CCSER1: variants seen among roughly 807,000 people sequenced by gnomAD.
CCSER1 encodes the protein coiled-coil serine rich protein 1.
Under a neutral mutation model 82.0 loss-of-function variants are expected in CCSER1, and 41 were observed. The ratio of observed to expected loss-of-function variants is 0.50; its 90% CI spans 0.39 to 0.65. The LOEUF (loss-of-function observed/expected upper bound fraction) is 0.65, where lower values mean the gene tolerates loss of function less well. CCSER1 is among the 30% of genes least tolerant of loss of function. The probability of loss-of-function intolerance (pLI) is 0.00; values close to 1 mark genes in which losing one functional copy is unlikely to be tolerated. For synonymous variants in CCSER1, 414 were observed against 383.9 expected (o/e 1.08, Z -0.92); for missense variants, 1,119 against 1,064.2 (o/e 1.05, Z -0.72).
intron 9 of CCSER1, among the ~76,000 whole-genome samples, chr4:90,991,027 C>T (rs1193639675): frequency 2.0e-5 from 3 of 151,888 alleles, no homozygotes; most frequent in Admixed American, 6.6e-5. Flanking sequence ...AATTTTTAGG[C>T]AGGTGTTGGG....
At chr4:90,296,338 A>G (rs1731911360) in intron 1 of CCSER1, among the ~76,000 whole-genome samples, 1 of 152,018 alleles carries the variant, frequency 6.6e-6, no homozygotes, top group Non-Finnish European at 1.5e-5. Flanking sequence ...CCACTTTTTG[A>G]TGGGGTTGTT....
chr4:90,452,420 C>T (rs141049989), intron 4 of CCSER1, among the ~76,000 whole-genome samples: 6 of 152,264 alleles, frequency 3.9e-5, no homozygotes, highest in Middle Eastern at 3.4e-3. Context: ...AGCAGTCCTC[C>T]CACATTATAT....
intron 9 of CCSER1, among the ~76,000 whole-genome samples, chr4:91,057,802 ATACATGTGTGTGAATTTG>A (rs1235955793): frequency 6.6e-6 from 1 of 152,146 alleles, no homozygotes; most frequent in Non-Finnish European, 1.5e-5. Flanking sequence ...CTTTTTCACC[ATACATGTGTGTGAATTTG>A]TATGTTTCTC....
intron 10 of CCSER1, among the ~76,000 whole-genome samples, chr4:91,223,809 A>G (rs1242018272): frequency 2.0e-5 from 3 of 152,148 alleles, no homozygotes; most frequent in Non-Finnish European, 4.4e-5. Context: ...GAAACTCATA[A>G]TATAGACACC....
chr4:91,543,554 C>T (rs1306890957), intron 10 of CCSER1, among the ~76,000 whole-genome samples: 5 of 152,074 alleles, frequency 3.3e-5, no homozygotes, highest in African/African-American at 1.2e-4. Context: ...TTCTCTTTCC[C>T]TTATGAAGCT....
intron 8 of CCSER1, among the ~76,000 whole-genome samples, chr4:90,903,691 A>C (rs1725007691): frequency 6.6e-6 from 1 of 152,086 alleles, no homozygotes; most frequent in South Asian, 2.1e-4. Flanking sequence ...TACAAAAATT[A>C]GCCAGATGCA....
intron 10 of CCSER1, among the ~76,000 whole-genome samples, chr4:91,317,259 C>A (rs1187478272): frequency 6.6e-6 from 1 of 151,982 alleles, no homozygotes; most frequent in Non-Finnish European, 1.5e-5. Flanking sequence ...AGTCTCTCAG[C>A]AATACATTAG....
Position 90,574,251 on chromosome 4 carries a change from A to ATTTT in CCSER1, c.1725-53749_1725-53746dup, listed in dbSNP as rs777629017. On this transcript the variant is annotated intron_variant, in intron 5 of 10. Coordinates refer to ENST00000509176, the MANE Select transcript of CCSER1 (RefSeq NM_001145065.2). ...CCATATAGCTTGTAGAAACACATTA[A>ATTTT]TTTTTTTTTTTTTTTTTTTTTTTTT... Among the ~76,000 whole-genome samples, 39 of 86,074 alleles carry ATTTT rather than the reference A, an allele frequency of 4.5e-4. 1 individual carries two copies. The highest frequency in any genetic ancestry group is 1.3e-3 in the Admixed American group (10 of 7,460). 56.5% of individuals were successfully genotyped at this position (86,074 alleles called of 152,430 possible).
At chr4:90,248,672 A>G (rs1451202215) in intron 1 of CCSER1, among the ~76,000 whole-genome samples, 2 of 151,546 alleles carry the variant, frequency 1.3e-5, no homozygotes, top group East Asian at 3.9e-4. Context: ...TTTTCTTAGC[A>G]TTGACTGATT....
chr4:90,465,231 G>GGATT (rs1291603357), intron 4 of CCSER1, among the ~76,000 whole-genome samples: 3 of 151,930 alleles, frequency 2.0e-5, no homozygotes, highest in Admixed American at 2.0e-4. Flanking sequence ...CAAAGTGCTG[G>GGATT]GATTACAAGT....
Position 90,237,003 on chromosome 4 carries a change from A to G in CCSER1, c.-41-71241A>G, listed in dbSNP as rs1745926515. On this transcript the variant is annotated intron_variant, in intron 1 of 10. Coordinates refer to ENST00000509176, the MANE Select transcript of CCSER1 (RefSeq NM_001145065.2). Reference sequence around the variant, plus strand: ...CAAACCAGTGATGGTACTGTGTTTAAACATCTCAATATGGATATGGGTTTT... The same window carrying G: ...CAAACCAGTGATGGTACTGTGTTTAGACATCTCAATATGGATATGGGTTTT... Among the ~76,000 whole-genome samples, 4 of 152,322 alleles carry G rather than the reference A, an allele frequency of 2.6e-5. No individual in the cohort carries two copies. The South Asian group carries it at 8.3e-4, about 32-fold the overall frequency.
In CCSER1 at chr4:90,180,165, G is replaced by C. The variant is rs2153384669; in HGVS notation, c.-42+52334G>C. ...ATAAATTATATTTTGCTTTTGTTAT[G>C]TTTAGTGGAGAAACGATAACTAAAG... On this transcript the variant is annotated intron_variant, in intron 1 of 10. Coordinates refer to ENST00000509176, the MANE Select transcript of CCSER1 (RefSeq NM_001145065.2). Among the ~76,000 whole-genome samples, 2 of 150,102 alleles carry C rather than the reference G, an allele frequency of 1.3e-5. 1 individual carries two copies. Among genetic ancestry groups the C allele is most frequent in the South Asian group, 4.2e-4 (2 of 4,768 alleles).
At chr4:90,674,152 T>C (rs1238197291) in intron 6 of CCSER1, among the ~76,000 whole-genome samples, 1 of 152,040 alleles carries the variant, frequency 6.6e-6, no homozygotes, top group Non-Finnish European at 1.5e-5. Flanking sequence ...AAGTACTTAG[T>C]ATTACAAGCT....
chr4:90,350,607 A>G (rs1743253032), intron 3 of CCSER1, among the ~76,000 whole-genome samples: 1 of 152,162 alleles, frequency 6.6e-6, no homozygotes, highest in Non-Finnish European at 1.5e-5. Flanking sequence ...TAATCTACAG[A>G]CATAAATTAA....
chr4:91,517,901 A>T (rs1378924039), intron 10 of CCSER1, among the ~76,000 whole-genome samples: 2 of 151,946 alleles, frequency 1.3e-5, no homozygotes, highest in Non-Finnish European at 2.9e-5. Context: ...TTGGTTTCAC[A>T]GGGGGGGTAT....
intron 10 of CCSER1, among the ~76,000 whole-genome samples, chr4:91,245,208 T>C (rs1291352459): frequency 1.3e-5 from 2 of 152,092 alleles, no homozygotes; most frequent in Non-Finnish European, 2.9e-5. Flanking sequence ...TAGAGAAAGA[T>C]ATAGTGGTAT....
chr4:91,168,906 C>A (rs1267370572), intron 10 of CCSER1, among the ~76,000 whole-genome samples: 1 of 152,104 alleles, frequency 6.6e-6, no homozygotes, highest in East Asian at 1.9e-4. Flanking sequence ...TTACCCCCAA[C>A]CCCGTGCTCT....
chr4:91,540,376 GC>G (rs773847887), intron 10 of CCSER1, among the ~76,000 whole-genome samples: 1 of 152,074 alleles, frequency 6.6e-6, no homozygotes, highest in Non-Finnish European at 1.5e-5. Flanking sequence ...AATCTTCTGT[GC>G]TTTGTGTACT....
chr4:90,191,058 C>G (rs959313026), intron 1 of CCSER1, among the ~76,000 whole-genome samples: 1 of 151,916 alleles, frequency 6.6e-6, no homozygotes, highest in Non-Finnish European at 1.5e-5. Flanking sequence ...TTTACCTTGC[C>G]TTATAACTTC....
Sources: gnomAD v4.1 joint callset for allele counts (sites outside exome capture counted in the v4.1 genomes callset) on GRCh38, gnomAD v4.1.1 for gene constraint, MANE v1.5 for transcripts, NCBI Gene and HGNC (gene_info 2026-07-23, HGNC 2026-07-21) for gene names.